Variants in ZFYVE9 observed in about 807,000 individuals in gnomAD.
ZFYVE9 encodes zinc finger FYVE domain-containing protein 9.
In ZFYVE9, 43 loss-of-function variants were observed where a neutral mutation model predicts 126.7. That is an observed-to-expected ratio of 0.34 (90% CI 0.27 to 0.44). The LOEUF is 0.44. Among genes scored for constraint, ZFYVE9 ranks in the 20% least tolerant of loss-of-function variants. The pLI, the probability that ZFYVE9 is intolerant of heterozygous loss-of-function variation, is 1.00. For missense variants in ZFYVE9, 1,476 were observed against 1,697.0 expected, an observed-to-expected ratio of 0.87 and a Z score of 2.29; for synonymous variants, 521 against 597.4, an observed-to-expected ratio of 0.87 and a Z score of 1.87.
chr1:52,150,989 CTT>C (rs57055558), intron 1 of ZFYVE9, among the ~76,000 whole-genome samples: 14 of 127,528 alleles, frequency 1.1e-4, no homozygotes, highest in East Asian at 2.4e-4. Flanking sequence ...TGATAATTGT[CTT>C]TTTTTTTTTT....
At chr1:52,184,446 A>T (rs1478247048) in intron 1 of ZFYVE9, among the ~76,000 whole-genome samples, 2 of 129,002 alleles carry the variant, frequency 1.6e-5, no homozygotes, top group Non-Finnish European at 3.2e-5. Context: ...GGGTTTCCTC[A>T]TGTTGGCCAG....
At chr1:52,330,316 C>T (rs951913539) in intron 13 of ZFYVE9, among the ~76,000 whole-genome samples, 12 of 152,148 alleles carry the variant, frequency 7.9e-5, no homozygotes, top group Non-Finnish European at 1.5e-4. Flanking sequence ...CTGGAGGTTG[C>T]GGTGAGCTGA....
At chr1:52,206,581 T>A (rs1392258009) in intron 1 of ZFYVE9, among the ~76,000 whole-genome samples, 1 of 152,162 alleles carries the variant, frequency 6.6e-6, no homozygotes, top group Non-Finnish European at 1.5e-5. Flanking sequence ...AGTCTCGTGG[T>A]GTCACCCAGG....
intron 13 of ZFYVE9, among the ~76,000 whole-genome samples, chr1:52,318,862 C>T (rs1646211939): frequency 6.6e-6 from 1 of 152,152 alleles, no homozygotes; most frequent in African/African-American, 2.4e-5. Flanking sequence ...CTTTGGAGGA[C>T]AAGGTGAGCT....
At chr1:52,180,679 A>G (rs1644690123) in intron 1 of ZFYVE9, 2 of 382,430 alleles carry the variant, frequency 5.2e-6, no homozygotes, top group South Asian at 2.5e-5. Flanking sequence ...TACATTTTAG[A>G]AATAATCATT....
intron 1 of ZFYVE9, among the ~76,000 whole-genome samples, chr1:52,167,080 C>T (rs1032767792): frequency 6.6e-6 from 1 of 152,118 alleles, no homozygotes; most frequent in Non-Finnish European, 1.5e-5. Flanking sequence ...GAAATGTCTG[C>T]TTCATTAAAG....
At chr1:52,297,680 A>G (rs143882636) in intron 12 of ZFYVE9, among the ~76,000 whole-genome samples, 2 of 151,470 alleles carry the variant, frequency 1.3e-5, no homozygotes, top group Non-Finnish European at 2.9e-5. Context: ...CTTAAAAGCT[A>G]TATTTCCAGT....
At chr1:52,188,534 G>T (rs1044773792) in intron 1 of ZFYVE9, among the ~76,000 whole-genome samples, 2 of 151,964 alleles carry the variant, frequency 1.3e-5, no homozygotes, top group Admixed American at 6.6e-5. Context: ...GTTAGAATTG[G>T]CATTTGATGA....
At chr1:52,159,529 A>G (rs1271666198) in intron 1 of ZFYVE9, among the ~76,000 whole-genome samples, 1 of 152,188 alleles carries the variant, frequency 6.6e-6, no homozygotes, top group Non-Finnish European at 1.5e-5. Flanking sequence ...ATTGTTCATT[A>G]AAGGAGTCCT....
chr1:52,164,024 T>C (rs1269465820), intron 1 of ZFYVE9, among the ~76,000 whole-genome samples: 1 of 151,880 alleles, frequency 6.6e-6, no homozygotes, highest in Non-Finnish European at 1.5e-5. Flanking sequence ...CAATCACTGC[T>C]CACTGCAACC....
intron 1 of ZFYVE9, among the ~76,000 whole-genome samples, chr1:52,212,346 T>A (rs1645036319): frequency 6.6e-6 from 1 of 152,182 alleles, no homozygotes; most frequent in African/African-American, 2.4e-5. Flanking sequence ...GGCCTTGCCA[T>A]GCTGGCCAGG....
At chr1:52,310,631 C>A (rs554467847) in intron 13 of ZFYVE9, among the ~76,000 whole-genome samples, 1 of 152,208 alleles carries the variant, frequency 6.6e-6, no homozygotes, top group African/African-American at 2.4e-5. Flanking sequence ...CCTGGGCTTT[C>A]TGATTCTGGT....
chr1:52,268,172 G>A (rs59913906), intron 6 of ZFYVE9, among the ~76,000 whole-genome samples: 27 of 152,188 alleles, frequency 1.8e-4, no homozygotes, highest in African/African-American at 6.3e-4. Flanking sequence ...TCAGTGATAC[G>A]GGACAGAGTA....
At chr1:52,147,074 G>A (rs1451205858) in intron 1 of ZFYVE9, among the ~76,000 whole-genome samples, 1 of 152,048 alleles carries the variant, frequency 6.6e-6, no homozygotes, top group East Asian at 1.9e-4. Context: ...AGTGTATAAA[G>A]TTACCTTTAG....
Position 52,238,111 on chromosome 1 carries a change from A to G in ZFYVE9, c.694A>G (p.Thr232Ala), listed in dbSNP as rs377045271. The part of the protein sequence containing the change: ...EGRSVNHLCP[T>A]SSDSLASVCS... ...GAGATCTGTTAACCATCTGTGTCCTACTTCATCTGATAGTCTAGCCAGTGT... is the reference window on the plus strand; with the variant it reads ...GAGATCTGTTAACCATCTGTGTCCTGCTTCATCTGATAGTCTAGCCAGTGT... The change falls in exon 4 of 19, where the codon ACT becomes GCT. Residue 232 changes from threonine to alanine, a missense_variant. This residue lies in a region of ZFYVE9 where 807 missense variants were observed against 794.6 expected (regional missense o/e 1.02). Coordinates refer to ENST00000287727, the MANE Select transcript of ZFYVE9 (RefSeq NM_004799.4). 36 of 1,613,978 alleles carry G rather than the reference A, an allele frequency of 2.2e-5. No individual in the cohort carries two copies. Among genetic ancestry groups the G allele is most frequent in the Non-Finnish European group, 2.7e-5 (32 of 1,179,970 alleles).
chr1:52,317,531 A>G (rs1001894459), intron 13 of ZFYVE9, among the ~76,000 whole-genome samples: 12 of 152,076 alleles, frequency 7.9e-5, no homozygotes, highest in African/African-American at 2.7e-4. Context: ...TCAATGACCT[A>G]CTCGTCTACC....
At chr1:52,216,206 G>T (rs894423270) in intron 1 of ZFYVE9, among the ~76,000 whole-genome samples, 163 bp from the exon 2 acceptor site, 1 of 152,160 alleles carries the variant, frequency 6.6e-6, no homozygotes, top group African/African-American at 2.4e-5. Context: ...AAATGTCTCT[G>T]TTGCTACCTT....
At chr1:52,165,526 T>C (rs532892270) in intron 1 of ZFYVE9, among the ~76,000 whole-genome samples, 1 of 152,282 alleles carries the variant, frequency 6.6e-6, no homozygotes, top group East Asian at 1.9e-4. Context: ...GGGGAAAATA[T>C]GATTGAATTA....
intron 4 of ZFYVE9, among the ~76,000 whole-genome samples, chr1:52,244,345 G>T (rs926822123): frequency 1.3e-5 from 2 of 152,130 alleles, no homozygotes; most frequent in African/African-American, 4.8e-5. Flanking sequence ...AGAAAGGGAG[G>T]ATTAAACAAA....
Sources: allele counts gnomAD v4.1 joint callset (sites outside exome capture counted in the v4.1 genomes callset), GRCh38; gene constraint gnomAD v4.1.1; regional missense constraint gnomAD v4.1.1; transcripts MANE v1.5; gene names NCBI Gene and HGNC (gene_info 2026-07-23, HGNC 2026-07-21).